Variants in C12orf42 observed in about 807,000 individuals in gnomAD.
The protein encoded by C12orf42 is uncharacterized protein C12orf42.
A neutral mutation model predicts 21.6 loss-of-function variants in C12orf42; 25 were observed. The observed-to-expected ratio is 1.16, with a 90% CI of 0.84 to 1.62. The LOEUF is 1.62. C12orf42 is among the 40% of genes most tolerant of loss of function. C12orf42 has a pLI of 0.00. For missense variants in C12orf42, 483 were observed against 459.3 expected (o/e 1.05, Z -0.47); for synonymous variants, 174 against 175.0 (o/e 0.99, Z 0.05).
At chr12:103,195,775 A>T in the C12orf42 span, among the ~76,000 whole-genome samples, 1 of 152,044 alleles carries the variant, frequency 6.6e-6, no homozygotes, top group Non-Finnish European at 1.5e-5. Context: ...GCTGTGCAGA[A>T]GCTCTTTAGT....
chr12:103,527,417 T>C, the C12orf42 span, among the ~76,000 whole-genome samples: 1 of 152,172 alleles, frequency 6.6e-6, no homozygotes, highest in Admixed American at 6.5e-5. Flanking sequence ...GTTTGGGTCA[T>C]GGAGATGGAC....
chr12:103,235,458 T>C (rs1029705439), downstream of C12orf42, among the ~76,000 whole-genome samples: 1 of 152,188 alleles, frequency 6.6e-6, no homozygotes, highest in African/African-American at 2.4e-5. Flanking sequence ...CAGCCTTGCA[T>C]ACCTGAGGTA....
the C12orf42 span, among the ~76,000 whole-genome samples, chr12:103,169,888 G>T: frequency 6.6e-6 from 1 of 152,038 alleles, no homozygotes; most frequent in Non-Finnish European, 1.5e-5. Flanking sequence ...GGAATAGGAG[G>T]TTCAGAAGGA....
chr12:103,520,760 A>G, the C12orf42 span, among the ~76,000 whole-genome samples: 3 of 152,258 alleles, frequency 2.0e-5, no homozygotes, highest in African/African-American at 7.2e-5. Context: ...TATTAAGGAA[A>G]AAAATGGAAC....
At chr12:103,555,431 C>A in the C12orf42 span, among the ~76,000 whole-genome samples, 1 of 152,110 alleles carries the variant, frequency 6.6e-6, no homozygotes, top group African/African-American at 2.4e-5. Flanking sequence ...TTACCTCCCA[C>A]CGGGTCTCCT....
chr12:103,536,376 T>C, the C12orf42 span, among the ~76,000 whole-genome samples: 1 of 152,130 alleles, frequency 6.6e-6, no homozygotes, highest in African/African-American at 2.4e-5. Flanking sequence ...TGGGTGTCGA[T>C]CTCAGGAAAC....
At chr12:103,420,964 A>C (rs140874929) in intron 2 of C12orf42, among the ~76,000 whole-genome samples, 151 of 152,324 alleles carry the variant, frequency 9.9e-4, no homozygotes, top group African/African-American at 3.5e-3. Flanking sequence ...AAGACAGTGA[A>C]CCTATTCTTA....
the C12orf42 span, among the ~76,000 whole-genome samples, chr12:103,124,367 T>C: frequency 6.6e-6 from 1 of 152,114 alleles, no homozygotes; most frequent in South Asian, 2.1e-4. Flanking sequence ...GAGATCTTTC[T>C]TGATGGTGGC....
the C12orf42 span, among the ~76,000 whole-genome samples, chr12:103,183,864 G>A: frequency 6.6e-6 from 1 of 152,210 alleles, no homozygotes; most frequent in East Asian, 1.9e-4. Flanking sequence ...TCACTATTTA[G>A]AGATTTTCCT....
chr12:103,078,034 C>T, the C12orf42 span, among the ~76,000 whole-genome samples: 1 of 151,840 alleles, frequency 6.6e-6, no homozygotes, highest in African/African-American at 2.4e-5. Flanking sequence ...TGGATTAAGG[C>T]CAAAAAAAAT....
the C12orf42 span, chr12:103,080,958 G>C: frequency 3.3e-5 from 5 of 152,182 alleles, no homozygotes; most frequent in African/African-American, 9.7e-5. Flanking sequence ...AACCCAGAGA[G>C]TCTCACTCCA....
chr12:103,280,479 C>T (rs1185523647), intron 4 of C12orf42, among the ~76,000 whole-genome samples: 1 of 151,934 alleles, frequency 6.6e-6, no homozygotes, highest in Non-Finnish European at 1.5e-5. Flanking sequence ...GTTAGCCAGG[C>T]ATGGTAGCAT....
intron 2 of C12orf42, among the ~76,000 whole-genome samples, chr12:103,425,455 G>T (rs756399000): frequency 6.6e-6 from 1 of 152,162 alleles, no homozygotes; most frequent in Non-Finnish European, 1.5e-5. Flanking sequence ...GGCATCTGGC[G>T]GGTGCCCCTC....
chr12:103,298,343 C>T (rs1377135380), downstream of C12orf42, among the ~76,000 whole-genome samples: 1 of 152,192 alleles, frequency 6.6e-6, no homozygotes, highest in Non-Finnish European at 1.5e-5. Flanking sequence ...CATGAGTGAA[C>T]TCCCATTCGC....
chr12:103,332,050 G>C (rs2041283187), intron 4 of C12orf42, among the ~76,000 whole-genome samples: 1 of 152,142 alleles, frequency 6.6e-6, no homozygotes. Flanking sequence ...GAAATTAAGA[G>C]CATGACAATG....
At chr12:103,514,870 T>C in the C12orf42 span, among the ~76,000 whole-genome samples, 3 of 152,132 alleles carry the variant, frequency 2.0e-5, no homozygotes, top group Non-Finnish European at 2.9e-5. Flanking sequence ...ACACAAATAA[T>C]TATTAGTTTA....
At chr12:103,198,583 G>T in the C12orf42 span, among the ~76,000 whole-genome samples, 6 of 152,222 alleles carry the variant, frequency 3.9e-5, no homozygotes, top group Non-Finnish European at 8.8e-5. Flanking sequence ...TGCACAGGCT[G>T]TAGTCCTGTC....
the C12orf42 span, among the ~76,000 whole-genome samples, chr12:103,131,921 T>A: frequency 9.1e-3 from 1,376 of 151,650 alleles, 14 homozygotes; most frequent in East Asian, 0.048. Flanking sequence ...AGCGAAGGAG[T>A]GATGTTGGTT....
chr12:103,098,653 T>A, the C12orf42 span, among the ~76,000 whole-genome samples: 3 of 152,162 alleles, frequency 2.0e-5, no homozygotes, highest in Non-Finnish European at 2.9e-5. Context: ...GTAAAGCCCA[T>A]GTATGAGTTA....
Sources: allele counts gnomAD v4.1 joint callset (sites outside exome capture counted in the v4.1 genomes callset), GRCh38; gene constraint gnomAD v4.1.1; transcripts MANE v1.5; gene names NCBI Gene and HGNC (gene_info 2026-07-23, HGNC 2026-07-21).